Variants in SH3TC1 observed in about 807,000 individuals in gnomAD.
SH3TC1 encodes the protein SH3 domain and tetratricopeptide repeats 1, also known as SH3 domain and tetratricopeptide repeat-containing protein 1.
Under a neutral mutation model 117.3 loss-of-function variants are expected in SH3TC1, and 135 were observed. That is an observed-to-expected ratio of 1.15 (90% confidence interval 1.00 to 1.33). SH3TC1 has a LOEUF of 1.33. SH3TC1 is among the 40% of genes most tolerant of loss of function. The pLI is 0.00. For synonymous variants in SH3TC1, 898 were observed against 816.9 expected, an observed-to-expected ratio of 1.10 and a Z score of -1.69; for missense variants, 2,092 against 1,794.3, an observed-to-expected ratio of 1.17 and a Z score of -3.00.
intron 7 of SH3TC1, among the ~76,000 whole-genome samples, chr4:8,217,599 T>C (rs936201158): frequency 6.6e-6 from 1 of 152,232 alleles, no homozygotes. Context: ...TAACTTGGGT[T>C]GGAGCTTCCT....
At chr4:8,216,350 G>A (rs925289600) in intron 6 of SH3TC1, 93 bp downstream of exon 6, 26 of 1,507,304 alleles carry the variant, frequency 1.7e-5, no homozygotes, top group Non-Finnish European at 2.0e-5. Flanking sequence ...TGCTGAGCAT[G>A]TCTGGGGCTG....
At chr4:8,202,549 GA>G (rs1307954764) in intron 1 of SH3TC1, among the ~76,000 whole-genome samples, 4 of 152,356 alleles carry the variant, frequency 2.6e-5, no homozygotes, top group African/African-American at 9.6e-5. Flanking sequence ...CTGCCCCTCA[GA>G]GGTGGTTGGG....
intron 13 of SH3TC1, chr4:8,232,461 C>T: frequency 6.8e-7 from 1 of 1,476,270 alleles, no homozygotes; most frequent in Non-Finnish European, 9.1e-7. Context: ...GTTCTTCCTA[C>T]CTGGTGGCTT....
intron 3 of SH3TC1, among the ~76,000 whole-genome samples, chr4:8,212,117 G>C (rs1718792837): frequency 6.6e-6 from 1 of 152,122 alleles, no homozygotes; most frequent in South Asian, 2.1e-4. Context: ...CCGAGCAGGG[G>C]TGGGGGCCCT....
At chr4:8,236,610 T>C in intron 16 of SH3TC1, 182 bp downstream of exon 16, 3 of 687,834 alleles carry the variant, frequency 4.4e-6, no homozygotes, top group Non-Finnish European at 6.6e-6. Flanking sequence ...CTTCACTCAG[T>C]GCAGAGCTCC....
In SH3TC1 at chr4:8,217,026, G is replaced by T. The variant is rs1373514739; in HGVS notation, c.698G>T (p.Gly233Val). 1.2e-6 allele frequency: 2 copies of T among 1,613,734 alleles called. No homozygotes were observed. Among genetic ancestry groups the T allele is most frequent in the East Asian group, 4.5e-5 (2 of 44,880 alleles). Residue 233 changes from glycine (G) to valine (V), a missense_variant, in exon 7 of 18, where the codon GGC becomes GTC. Gly to Val is a moderately radical substitution (Grantham distance 109). Coordinates refer to ENST00000245105, the MANE Select transcript of SH3TC1 (RefSeq NM_018986.5). ...VMTGPRDAGN[G>V]PQALRQASGA... ...ACGGGTCCCCGGGATGCAGGAAATGGCCCCCAGGCCCTCAGGCAGGCTTCG... is the reference window on the plus strand; with the variant it reads ...ACGGGTCCCCGGGATGCAGGAAATGTCCCCCAGGCCCTCAGGCAGGCTTCG...
At chr4:8,224,974 C>A (rs2152990175) in intron 10 of SH3TC1, 2 of 612,314 alleles carry the variant, frequency 3.3e-6, no homozygotes, top group East Asian at 5.7e-5. Flanking sequence ...CTGGTTGCAC[C>A]TGACCCTGCA....
intron 7 of SH3TC1, 51 bp from the exon 8 acceptor site, chr4:8,218,220 C>G (rs1410462252): frequency 6.8e-7 from 1 of 1,477,692 alleles, no homozygotes; most frequent in Non-Finnish European, 9.4e-7. Flanking sequence ...CAGGATGTAT[C>G]TGCCCCAAAT....
Position 8,216,268 on chromosome 4 carries a change from C to T in SH3TC1, c.628+11C>T. 2 of 1,611,312 alleles carry T rather than the reference C, an allele frequency of 1.2e-6. No homozygotes were observed. The highest frequency in any genetic ancestry group is 1.1e-5 in the South Asian group (1 of 90,786). On this transcript the variant is annotated intron_variant, in intron 6 of 17. Coordinates refer to ENST00000245105, the MANE Select transcript of SH3TC1 (RefSeq NM_018986.5). ...TCCTCATCCAAGAAGGTGAGCGTTG[C>T]ATGGGGTGATGGCCGAGATCCAGCT...
upstream of SH3TC1, among the ~76,000 whole-genome samples, chr4:8,197,594 C>T (rs1419949150): frequency 1.3e-5 from 2 of 152,152 alleles, no homozygotes; most frequent in African/African-American, 2.4e-5. Flanking sequence ...TCCAACCCAC[C>T]GTGTGCTCAC....
At position 8,234,223 on chromosome 4, in the gene SH3TC1, TCATCCATCCATTCACC is replaced by T. The variant is rs375296944; in HGVS notation, c.3282+727_3282+742del. On this transcript the variant is annotated intron_variant, in intron 14 of 17. Coordinates refer to ENST00000245105, the MANE Select transcript of SH3TC1 (RefSeq NM_018986.5). Reference sequence around the variant, plus strand: ...CCATCCACCATCCACCATCCTTCCATCATCCATCCATTCACCCATCCATCCATTCACCTGTTTGTCC... The same window carrying T: ...CCATCCACCATCCACCATCCTTCCATCATCCATCCATTCACCTGTTTGTCC... 3.8e-3 allele frequency among the ~76,000 whole-genome samples: 571 copies of T among 149,374 alleles called. 5 individuals are homozygous for T. The highest frequency in any genetic ancestry group is 0.014 in the Middle Eastern group (4 of 284).
chr4:8,222,325 C>A (rs980368817), intron 9 of SH3TC1, among the ~76,000 whole-genome samples: 1 of 150,798 alleles, frequency 6.6e-6, no homozygotes, highest in Non-Finnish European at 1.5e-5. Flanking sequence ...GTATCTGCCC[C>A]TGGCCAGACA....
At chr4:8,234,256 T>C (rs868087836) in intron 14 of SH3TC1, among the ~76,000 whole-genome samples, 1 of 150,464 alleles carries the variant, frequency 6.6e-6, no homozygotes, top group South Asian at 2.2e-4. Flanking sequence ...TCCATTCACC[T>C]GTTTGTCCAC....
chr4:8,233,478 T>C lies in SH3TC1; in HGVS notation c.3247T>C (p.Leu1083=). ...WLQAGKIYYI[L]RQSELVDLYI... ...GCAAGCAGGGAAGATCTATTACATC[T>C]TGCGGCAGAGCGAGCTGGTGGACCT... Residue 1083 remains leucine, a synonymous_variant, in exon 14 of 18, where the codon TTG becomes CTG. Transcript: ENST00000245105. The C allele has an allele frequency of 1.2e-6, 2 of 1,613,396 alleles. No homozygotes were observed. The highest frequency in any genetic ancestry group is 1.7e-6 in the Non-Finnish European group (2 of 1,179,720).
rs112226021 is a variant in SH3TC1 at position 8,186,899 on chromosome 4, A to C, written c.-57+4689A>C. Among the ~76,000 whole-genome samples, 1,434 of 151,160 alleles carry C rather than the reference A, an allele frequency of 9.5e-3. 11 individuals carry two copies. Among genetic ancestry groups the C allele is most frequent in the Non-Finnish European group, 0.016 (1,051 of 67,778 alleles). On this transcript the variant is annotated intron_variant, in intron 1 of 16. Transcript: ENST00000508641. The surrounding 1 kb of genome is among the most constrained non-coding windows in gnomAD (Gnocchi z 5.2). ...GTGGAGGTTGCAGTGAGCCGAGATCATACCACTGCACTCCAGCCTGGGTGA... is the reference window on the plus strand; with the variant it reads ...GTGGAGGTTGCAGTGAGCCGAGATCCTACCACTGCACTCCAGCCTGGGTGA...
At position 8,206,883 on chromosome 4, in the gene SH3TC1, C is replaced by A. The variant is rs969491450; in HGVS notation, c.172+1517C>A. Among the ~76,000 whole-genome samples, 3 of 147,172 alleles carry A rather than the reference C, an allele frequency of 2.0e-5. No homozygotes were observed. The highest frequency in any genetic ancestry group is 3.0e-5 in the Non-Finnish European group (2 of 67,316). ...TGTGTGTGTGTGATTTTCTTCTGAT[C>A]CTTTTGGGAGTAAATTGCAGACATG... On this transcript the variant is annotated intron_variant, in intron 2 of 17. Coordinates refer to ENST00000245105, the MANE Select transcript of SH3TC1 (RefSeq NM_018986.5). The surrounding 1 kb of genome is among the most constrained non-coding windows in gnomAD (Gnocchi z 5.5).
chr4:8,188,205 A>C (rs1281113), intron 1 of SH3TC1, among the ~76,000 whole-genome samples: 1 of 152,156 alleles, frequency 6.6e-6, no homozygotes, highest in Non-Finnish European at 1.5e-5. Flanking sequence ...CCCCTTTCCC[A>C]ACCCCTCTGC....
rs1038380542 is a variant in SH3TC1, at chr4:8,186,892, C to T, written c.-57+4682C>T. Among the ~76,000 whole-genome samples, 15 of 149,118 alleles carry T rather than the reference C, an allele frequency of 1.0e-4. No individual in the cohort carries two copies. Among genetic ancestry groups the T allele is most frequent in the Non-Finnish European group, 1.8e-4 (12 of 67,624 alleles). On this transcript the variant is annotated intron_variant, in intron 1 of 16. Coordinates refer to the SH3TC1 transcript ENST00000508641. The surrounding 1 kb of genome is among the most constrained non-coding windows in gnomAD (Gnocchi z 5.2). Reference sequence around the variant, plus strand: ...CCAGAAGGTGGAGGTTGCAGTGAGCCGAGATCATACCACTGCACTCCAGCC... The same window carrying T: ...CCAGAAGGTGGAGGTTGCAGTGAGCTGAGATCATACCACTGCACTCCAGCC...
chr4:8,222,980 G>A lies in SH3TC1; in HGVS notation c.1243+10G>A, dbSNP rs202079702. 6.9e-6 allele frequency: 11 copies of A among 1,604,936 alleles called. No individual in the cohort carries two copies. Among genetic ancestry groups the A allele is most frequent in the Non-Finnish European group, 8.5e-6 (10 of 1,173,952 alleles). On this transcript the variant is annotated intron_variant, in intron 10 of 17. Coordinates refer to ENST00000245105, the MANE Select transcript of SH3TC1 (RefSeq NM_018986.5). ...AGCGTGTACAGCCTGGGTGCGTGTG[G>A]GCGATGCCTGTGGTGGGGCCACTGC... is the stretch of plus-strand genomic sequence containing the variant.
Sources: allele counts gnomAD v4.1 joint callset (sites outside exome capture counted in the v4.1 genomes callset), GRCh38; gene constraint gnomAD v4.1.1; non-coding constraint Gnocchi (gnomAD v3.1); transcripts MANE v1.5; gene names NCBI Gene and HGNC (gene_info 2026-07-23, HGNC 2026-07-21).